Variants in EYS observed in about 807,000 individuals in gnomAD.
EYS encodes EGF-like photoreceptor maintenance factor.
In EYS, 250 loss-of-function variants were observed where a neutral mutation model predicts 282.1. The observed-to-expected ratio is 0.89, with a 90% CI of 0.80 to 0.98. The LOEUF is 0.98. EYS is among the 50% of genes least tolerant of loss of function. EYS has a pLI of 0.00. For missense variants in EYS, 4,016 were observed against 3,709.0 expected, an observed-to-expected ratio of 1.08 and a Z score of -2.15; for synonymous variants, 1,355 against 1,282.9, an observed-to-expected ratio of 1.06 and a Z score of -1.20.
At chr6:64,521,795 A>G (rs923311169) in intron 26 of EYS, among the ~76,000 whole-genome samples, 3 of 151,768 alleles carry the variant, frequency 2.0e-5, no homozygotes, top group African/African-American at 2.4e-5. Context: ...TTGCTCTTGA[A>G]GTCAGGAGTC....
At chr6:64,445,873 C>T (rs1775101764) in intron 26 of EYS, among the ~76,000 whole-genome samples, 1 of 152,078 alleles carries the variant, frequency 6.6e-6, no homozygotes, top group Non-Finnish European at 1.5e-5. Context: ...CCACTGAGAG[C>T]TATGGACCAG....
intron 12 of EYS, among the ~76,000 whole-genome samples, chr6:65,143,526 A>C (rs943833799): frequency 6.6e-6 from 1 of 152,242 alleles, no homozygotes; most frequent in South Asian, 2.1e-4. Flanking sequence ...AAATTAAAAC[A>C]CACTGTTGGG....
intron 12 of EYS, among the ~76,000 whole-genome samples, chr6:65,269,058 C>A (rs900031045): frequency 6.6e-6 from 1 of 152,048 alleles, no homozygotes; most frequent in Non-Finnish European, 1.5e-5. Flanking sequence ...ATTATTCAGC[C>A]TTGTCATCAC....
At chr6:65,267,315 A>G (rs1453176214) in intron 12 of EYS, among the ~76,000 whole-genome samples, 1 of 151,944 alleles carries the variant, frequency 6.6e-6, no homozygotes, top group Non-Finnish European at 1.5e-5. Context: ...ATATATAATA[A>G]TTCTATAGTT....
At chr6:64,076,241 T>C (rs1294100857) in intron 32 of EYS, among the ~76,000 whole-genome samples, 1 of 152,002 alleles carries the variant, frequency 6.6e-6, no homozygotes, top group Non-Finnish European at 1.5e-5. Flanking sequence ...TTCAATGGGA[T>C]AATTTCCTAA....
chr6:64,670,416 A>G (rs1042220281), intron 22 of EYS, among the ~76,000 whole-genome samples: 7 of 141,268 alleles, frequency 5.0e-5, no homozygotes, highest in African/African-American at 1.8e-4. Context: ...TAAATAAATA[A>G]ATAAATAAAT....
intron 29 of EYS, among the ~76,000 whole-genome samples, chr6:64,379,870 AAAT>A (rs1730016934): frequency 6.6e-6 from 1 of 152,156 alleles, no homozygotes; most frequent in Non-Finnish European, 1.5e-5. Context: ...AAACTTAAAA[AAAT>A]AACGTAGTCC....
intron 1 of EYS, among the ~76,000 whole-genome samples, chr6:65,699,867 C>A (rs1313997932): frequency 6.6e-6 from 1 of 151,992 alleles, no homozygotes; most frequent in Non-Finnish European, 1.5e-5. Flanking sequence ...GTAATCCCAG[C>A]ACTTTGGGAG....
chr6:63,858,741 G>A (rs1244269248), intron 36 of EYS, among the ~76,000 whole-genome samples: 1 of 152,188 alleles, frequency 6.6e-6, no homozygotes, highest in African/African-American at 2.4e-5. Context: ...ATACTAAGAT[G>A]TGTTGAACGG....
chr6:65,549,998 T>C (rs2351264), intron 2 of EYS, among the ~76,000 whole-genome samples: 83,107 of 151,602 alleles, frequency 0.55, 22,786 homozygotes, highest in East Asian at 0.71. Flanking sequence ...CCATCCTCCC[T>C]GGACCAGTGG....
chr6:64,549,318 C>T (rs1251750851), intron 26 of EYS, among the ~76,000 whole-genome samples: 3 of 152,140 alleles, frequency 2.0e-5, no homozygotes, highest in African/African-American at 7.2e-5. Flanking sequence ...AATGGTACTG[C>T]TATAATTATT....
chr6:65,401,500 G>C (rs1766494036), intron 7 of EYS, among the ~76,000 whole-genome samples: 1 of 151,088 alleles, frequency 6.6e-6, no homozygotes, highest in Non-Finnish European at 1.5e-5. Flanking sequence ...ATTTTTAAAG[G>C]GATAGTATTC....
intron 12 of EYS, among the ~76,000 whole-genome samples, chr6:65,215,132 T>G (rs1487630405): frequency 6.6e-6 from 1 of 152,152 alleles, no homozygotes; most frequent in Non-Finnish European, 1.5e-5. Context: ...ACTTTCAATA[T>G]TATTAAGAAA....
chr6:63,788,916 C>T (rs1216544402), intron 38 of EYS, 142 bp downstream of exon 38: 2 of 735,224 alleles, frequency 2.7e-6, no homozygotes, highest in East Asian at 2.8e-5. Flanking sequence ...GTAATCATCT[C>T]TCTATTCCCC....
rs546879006 is a variant in EYS at position 65,601,514 on chromosome 6, T to C, written c.-333+38264A>G. 1.1e-3 allele frequency among the ~76,000 whole-genome samples: 169 copies of C among 151,922 alleles called. 5 individuals are homozygous for C. The South Asian group carries it at 0.025, about 23-fold the overall frequency. ...TGATTTTTGTGAATATCTCAAAATA[T>C]CGATAATAAGAAATGGGTCCTGTCA... On this transcript the variant is annotated intron_variant, in intron 2 of 42. Transcript: ENST00000503581.
chr6:64,615,935 C>T (rs1037934512), intron 24 of EYS, among the ~76,000 whole-genome samples: 2 of 151,988 alleles, frequency 1.3e-5, no homozygotes, highest in African/African-American at 4.8e-5. Context: ...CTATTTCTAA[C>T]ATATACTAAT....
chr6:64,314,990 G>A (rs1260613753), intron 29 of EYS, among the ~76,000 whole-genome samples: 1 of 151,960 alleles, frequency 6.6e-6, no homozygotes, highest in Non-Finnish European at 1.5e-5. Context: ...TCAGGAGCTG[G>A]TTTTTTGAAA....
intron 22 of EYS, among the ~76,000 whole-genome samples, chr6:64,632,007 G>A (rs1013920011): frequency 1.3e-5 from 2 of 151,242 alleles, no homozygotes; most frequent in Non-Finnish European, 2.9e-5. Flanking sequence ...CCATTTGCTG[G>A]GCTTTGATAA....
chr6:65,625,418 C>T lies in EYS; in HGVS notation c.-333+14360G>A, dbSNP rs193225717. On this transcript the variant is annotated intron_variant, in intron 2 of 42. Coordinates refer to ENST00000503581, the MANE Select transcript of EYS (RefSeq NM_001142800.2). ...TATAGCAACAGAAAACTAATGCAGG[C>T]ATAATGGAGGATTCAGATAATTACA... 3.9e-5 allele frequency among the ~76,000 whole-genome samples: 6 copies of T among 152,260 alleles called. No homozygotes were observed. In the East Asian group the frequency reaches 1.2e-3, roughly 29 times the overall value.
Sources: gnomAD v4.1 joint callset for allele counts (sites outside exome capture counted in the v4.1 genomes callset) on GRCh38, gnomAD v4.1.1 for gene constraint, MANE v1.5 for transcripts, NCBI Gene and HGNC (gene_info 2026-07-23, HGNC 2026-07-21) for gene names.